GAS7: variants seen among roughly 807,000 people sequenced by gnomAD.
The protein encoded by GAS7 is growth arrest specific 7, also known as growth arrest-specific protein 7.
In GAS7, 28 loss-of-function variants were observed where a neutral mutation model predicts 71.1. The ratio of observed to expected loss-of-function variants is 0.39; its 90% CI spans 0.29 to 0.54. GAS7 has a LOEUF of 0.54. Among genes scored for constraint, GAS7 ranks in the 20% least tolerant of loss-of-function variants. GAS7 has a pLI of 0.62. For missense variants in GAS7, 436 were observed against 627.8 expected, an observed-to-expected ratio of 0.69 and a Z score of 3.27; for synonymous variants, 258 against 245.8, an observed-to-expected ratio of 1.05 and a Z score of -0.46.
chr17:10,101,224 T>C (rs2073695544), intron 1 of GAS7, among the ~76,000 whole-genome samples: 1 of 152,212 alleles, frequency 6.6e-6, no homozygotes, highest in Non-Finnish European at 1.5e-5. Context: ...ACAATCAAGA[T>C]GTCAGCCAGG....
chr17:10,191,555 C>CAA (rs59145222), intron 1 of GAS7, among the ~76,000 whole-genome samples: 3,140 of 88,074 alleles, frequency 0.036, 89 homozygotes, highest in South Asian at 0.098. Context: ...GACCCTGTGT[C>CAA]AAAAAAAAAA....
At chr17:10,172,406 C>T (rs539162214) in intron 1 of GAS7, among the ~76,000 whole-genome samples, 3 of 152,300 alleles carry the variant, frequency 2.0e-5, no homozygotes, top group Non-Finnish European at 2.9e-5. Flanking sequence ...GTGCATAACA[C>T]TCTGTATTGC....
chr17:9,971,975 C>T (rs1488358295), intron 3 of GAS7, among the ~76,000 whole-genome samples: 1 of 152,196 alleles, frequency 6.6e-6, no homozygotes, highest in East Asian at 1.9e-4. Context: ...CACTCCAGGG[C>T]CAAGCAGGGC....
intron 1 of GAS7, among the ~76,000 whole-genome samples, chr17:10,066,827 C>T (rs1272281672): frequency 6.6e-6 from 1 of 152,080 alleles, no homozygotes; most frequent in Middle Eastern, 3.2e-3. Flanking sequence ...TCTAGGTCAC[C>T]AAGTCCTGAC....
chr17:9,953,869 T>C (rs939352105), intron 5 of GAS7, among the ~76,000 whole-genome samples: 2 of 152,210 alleles, frequency 1.3e-5, no homozygotes, highest in Non-Finnish European at 2.9e-5. Flanking sequence ...GTTGGGTACA[T>C]AGTGGGTGCT....
chr17:10,115,954 A>G (rs2073857468), intron 1 of GAS7, among the ~76,000 whole-genome samples: 1 of 152,180 alleles, frequency 6.6e-6, no homozygotes, highest in Non-Finnish European at 1.5e-5. Context: ...TGAGACTTAG[A>G]AGCCCTAGAA....
intron 2 of GAS7, among the ~76,000 whole-genome samples, chr17:10,000,574 T>C (rs1322467957): frequency 6.6e-6 from 1 of 151,946 alleles, no homozygotes; most frequent in Non-Finnish European, 1.5e-5. Context: ...TCACTGAGAG[T>C]CATGAAATCA....
At chr17:10,076,390 G>C (rs1449448645) in intron 1 of GAS7, among the ~76,000 whole-genome samples, 1 of 119,880 alleles carries the variant, frequency 8.3e-6, no homozygotes. Flanking sequence ...GGAAGGGGGA[G>C]GGGAAAGGAA....
intron 2 of GAS7, among the ~76,000 whole-genome samples, chr17:10,008,733 AG>A (rs1250762563): frequency 6.6e-6 from 1 of 152,182 alleles, no homozygotes; most frequent in Non-Finnish European, 1.5e-5. Context: ...AAAATAATAA[AG>A]CCAAAATTAG....
chr17:10,151,037 G>A (rs990851447), intron 1 of GAS7, among the ~76,000 whole-genome samples: 1 of 152,224 alleles, frequency 6.6e-6, no homozygotes, highest in African/African-American at 2.4e-5. Context: ...GGATTAAAAA[G>A]AATAGAACAA....
chr17:10,190,460 G>A (rs1362816413), intron 1 of GAS7, among the ~76,000 whole-genome samples: 1 of 151,770 alleles, frequency 6.6e-6, no homozygotes, highest in African/African-American at 2.4e-5. Flanking sequence ...GTGCGTGCCT[G>A]TAATAGCTAC....
intron 1 of GAS7, among the ~76,000 whole-genome samples, chr17:10,031,490 G>A (rs991082537): frequency 6.6e-6 from 1 of 152,172 alleles, no homozygotes; most frequent in African/African-American, 2.4e-5. Context: ...TGAGTTGGAC[G>A]GCCCCTCCTG....
At position 10,103,643 on chromosome 17, in the gene GAS7, T is replaced by C. The variant is rs1382639160; in HGVS notation, c.184-83746A>G. Among the ~76,000 whole-genome samples, 1 of 152,000 alleles carries C rather than the reference T, an allele frequency of 6.6e-6. No homozygotes were observed. The highest frequency in any genetic ancestry group is 1.5e-5 in the Non-Finnish European group (1 of 68,022). ...GAGTTCAAGACCAGCCTGGCCAACA[T>C]GGAGAAACCCCGTCTCTACCAAAAA... On this transcript the variant is annotated intron_variant, in intron 1 of 13. Transcript: ENST00000432992. The surrounding 1 kb of genome is among the most constrained non-coding windows in gnomAD (Gnocchi z 5.5).
chr17:9,942,457 CTCTT>C (rs1335600357), intron 7 of GAS7, among the ~76,000 whole-genome samples: 1 of 151,984 alleles, frequency 6.6e-6, no homozygotes, highest in Admixed American at 6.6e-5. Flanking sequence ...GAAGGAACTT[CTCTT>C]TCTCTTTGTC....
chr17:10,130,173 A>C (rs1175277096), intron 1 of GAS7, among the ~76,000 whole-genome samples: 1 of 149,606 alleles, frequency 6.7e-6, no homozygotes, highest in African/African-American at 2.5e-5. Flanking sequence ...AGCCTCAAAA[A>C]AAAAAACAAA....
At chr17:9,938,351 A>G (rs1366343510) in intron 8 of GAS7, among the ~76,000 whole-genome samples, 1 of 151,696 alleles carries the variant, frequency 6.6e-6, no homozygotes, top group East Asian at 1.9e-4. Context: ...TACTAAAAAT[A>G]CAAAAAATTA....
At chr17:10,165,539 T>C (rs1227136601) in intron 1 of GAS7, among the ~76,000 whole-genome samples, 1 of 152,224 alleles carries the variant, frequency 6.6e-6, no homozygotes, top group African/African-American at 2.4e-5. Flanking sequence ...GATTGCTCAT[T>C]AGGCAGGCAA....
At chr17:9,963,728 T>A (rs1366856683) in intron 4 of GAS7, among the ~76,000 whole-genome samples, 1 of 152,086 alleles carries the variant, frequency 6.6e-6, no homozygotes, top group Non-Finnish European at 1.5e-5. Flanking sequence ...CAAGACCCCA[T>A]CTCTCTCTTT....
chr17:10,090,558 T>TCAAGTCCA (rs66727555), intron 1 of GAS7, among the ~76,000 whole-genome samples: 1 of 151,546 alleles, frequency 6.6e-6, no homozygotes, highest in Non-Finnish European at 1.5e-5. Context: ...AATCCTGAAC[T>TCAAGTCCA]CTTTCAAACT....
Sources: gnomAD v4.1 joint callset for allele counts (sites outside exome capture counted in the v4.1 genomes callset) on GRCh38, gnomAD v4.1.1 for gene constraint, Gnocchi (gnomAD v3.1) non-coding constraint, MANE v1.5 for transcripts, NCBI Gene and HGNC (gene_info 2026-07-23, HGNC 2026-07-21) for gene names.